The following BEST3 variants were observed in gnomAD, a reference collection of about 807,000 sequenced individuals.
BEST3 encodes bestrophin-3.
In BEST3, 50 loss-of-function variants were observed where a neutral mutation model predicts 47.1. The observed-to-expected ratio is 1.06, with a 90% CI of 0.85 to 1.34. The LOEUF (loss-of-function observed/expected upper bound fraction) is 1.34, where lower values mean the gene tolerates loss of function less well. BEST3 is among the 40% of genes most tolerant of loss of function. The pLI, the probability that BEST3 is intolerant of heterozygous loss-of-function variation, is 0.00. For missense variants in BEST3, 765 were observed against 817.0 expected, an observed-to-expected ratio of 0.94 and a Z score of 0.78; for synonymous variants, 282 against 298.8, an observed-to-expected ratio of 0.94 and a Z score of 0.58.
At chr12:69,695,986 G>A (rs781143192) in intron 2 of BEST3, among the ~76,000 whole-genome samples, 8 of 152,048 alleles carry the variant, frequency 5.3e-5, no homozygotes, top group Non-Finnish European at 1.2e-4. Flanking sequence ...AGAAATAAAT[G>A]TAATCAAATT....
chr12:69,671,431 A>G lies in BEST3; in HGVS notation c.1097T>C (p.Met366Thr), dbSNP rs1320970395. Residue 366 changes from methionine (M) to threonine (T), a missense_variant, in exon 9 of 10, where the codon ATG becomes ACG. Transcript: ENST00000330891. ...GATTTTTTAAAAATGCACTTACCCC[A>G]TCTGGACTGTTGACCCCAGAAATGA... The part of the protein sequence containing the change: ...IPSFLGSTVQ[M>T]GLSGSDFPDE... 6.2e-7 allele frequency: 1 copy of G among 1,613,374 alleles called. No individual in the cohort carries two copies. Among genetic ancestry groups the G allele is most frequent in the Admixed American group, 1.7e-5 (1 of 59,942 alleles).
Position 69,697,827 on chromosome 12 carries a change from A to C in BEST3, c.-15-14T>G. ...GGATAGTTTTTTCTAGAAGAGCAAGAAGACAAAACACAAGTAAAAAGCAAT... is the reference window on the plus strand; with the variant it reads ...GGATAGTTTTTTCTAGAAGAGCAAGCAGACAAAACACAAGTAAAAAGCAAT... On this transcript the variant is annotated splice_polypyrimidine_tract_variant and intron_variant, in intron 1 of 9. Transcript: ENST00000330891. The C allele has an allele frequency of 6.3e-7, 1 of 1,589,928 alleles. No homozygotes were observed. The highest frequency in any genetic ancestry group is 8.5e-7 in the Non-Finnish European group (1 of 1,170,506).
chr12:69,690,392 A>G (rs955497523), intron 4 of BEST3, among the ~76,000 whole-genome samples: 5 of 152,202 alleles, frequency 3.3e-5, no homozygotes, highest in Non-Finnish European at 2.9e-5. Context: ...TCTGAAAAAT[A>G]CACTCAAAGG....
At chr12:69,644,541 ACT>A (rs1454304224) in intron 9 of BEST3, among the ~76,000 whole-genome samples, 2 of 152,054 alleles carry the variant, frequency 1.3e-5, no homozygotes, top group African/African-American at 4.8e-5. Context: ...AGAATAAGTA[ACT>A]CTATTTTAAT....
intron 4 of BEST3, among the ~76,000 whole-genome samples, chr12:69,682,531 T>C (rs193223647): frequency 1.1e-3 from 164 of 152,072 alleles, no homozygotes; most frequent in African/African-American, 3.8e-3. Flanking sequence ...AAAAAATCTG[T>C]TTTGTTGTTT....
chr12:69,680,310 C>CTTCTTT (rs763385722), intron 4 of BEST3, among the ~76,000 whole-genome samples: 5,955 of 94,924 alleles, frequency 0.063, 1,045 homozygotes, highest in African/African-American at 0.12. Context: ...TACACTTGAT[C>CTTCTTT]TTTTTTTTTT....
At chr12:69,696,304 T>C (rs1402168350) in intron 2 of BEST3, among the ~76,000 whole-genome samples, 1 of 152,194 alleles carries the variant, frequency 6.6e-6, no homozygotes, top group African/African-American at 2.4e-5. Flanking sequence ...AAGTATGATA[T>C]TGGAACAAAA....
intron 9 of BEST3, among the ~76,000 whole-genome samples, chr12:69,659,664 T>C (rs990716942): frequency 6.6e-5 from 10 of 151,900 alleles, no homozygotes; most frequent in Non-Finnish European, 1.5e-5. Context: ...TAGAATAGTT[T>C]GAAAGAGTAT....
intron 9 of BEST3, among the ~76,000 whole-genome samples, chr12:69,667,499 T>G (rs1178779663): frequency 1.3e-5 from 2 of 152,178 alleles, no homozygotes; most frequent in African/African-American, 4.8e-5. Context: ...TTTCACCATG[T>G]TGGCCAGGCT....
At chr12:69,668,775 A>G (rs1884386067) in intron 9 of BEST3, among the ~76,000 whole-genome samples, 1 of 152,198 alleles carries the variant, frequency 6.6e-6, no homozygotes, top group African/African-American at 2.4e-5. Flanking sequence ...CCCTGTTGAT[A>G]GTAATTAGCT....
chr12:69,660,474 G>C (rs1883805669), intron 9 of BEST3: 1 of 152,208 alleles, frequency 6.6e-6, no homozygotes, highest in Non-Finnish European at 1.5e-5. Flanking sequence ...CTGGGTGGGT[G>C]AAGAGGAAAT....
intron 4 of BEST3, among the ~76,000 whole-genome samples, chr12:69,688,323 C>T (rs1885752676): frequency 6.6e-6 from 1 of 152,186 alleles, no homozygotes; most frequent in South Asian, 2.1e-4. Flanking sequence ...GCAAAAGTAA[C>T]AGAGACTGTT....
chr12:69,644,659 A>G (rs1327791599), intron 9 of BEST3, among the ~76,000 whole-genome samples: 3 of 152,152 alleles, frequency 2.0e-5, no homozygotes, highest in Admixed American at 2.0e-4. Flanking sequence ...TGGCTAGCTT[A>G]TTTGATAGGA....
chr12:69,670,702 G>C, intron 9 of BEST3: 2 of 497,408 alleles, frequency 4.0e-6, no homozygotes, highest in Non-Finnish European at 7.2e-6. Context: ...GGAACTATGA[G>C]CCACAGTCTT....
intron 4 of BEST3, chr12:69,683,392 T>A (rs1394890655): frequency 6.6e-6 from 1 of 152,166 alleles, no homozygotes; most frequent in Non-Finnish European, 1.5e-5. Flanking sequence ...ATCCAAAGTG[T>A]GAAAGGAAAA....
intron 4 of BEST3, among the ~76,000 whole-genome samples, chr12:69,691,015 G>A (rs775422): frequency 0.66 from 100,661 of 151,610 alleles, 33,879 homozygotes; most frequent in African/African-American, 0.78. Flanking sequence ...CTCACTCTGC[G>A]TCTCTAACAA....
chr12:69,677,264 C>T lies in BEST3; in HGVS notation c.637-7G>A. On this transcript the variant is annotated splice_polypyrimidine_tract_variant and splice_region_variant and intron_variant, in intron 5 of 9. Coordinates refer to ENST00000330891, the MANE Select transcript of BEST3 (RefSeq NM_032735.3). ...AGCGGTATCGATTCATTTCCTAAGCCAGAAACAGATCAAGCATGATTTACT... is the reference window on the plus strand; with the variant it reads ...AGCGGTATCGATTCATTTCCTAAGCTAGAAACAGATCAAGCATGATTTACT... 3.1e-6 allele frequency: 5 copies of T among 1,606,192 alleles called. No individual in the cohort carries two copies. The highest frequency in any genetic ancestry group is 2.6e-6 in the Non-Finnish European group (3 of 1,175,950).
intron 4 of BEST3, chr12:69,689,082 C>A (rs1057488511): frequency 1.0e-6 from 1 of 985,428 alleles, no homozygotes; most frequent in African/African-American, 1.7e-5. Context: ...GTCCTCTCTG[C>A]CCTCAGGCAG....
chr12:69,698,831 A>G (rs1397082154), intron 1 of BEST3, among the ~76,000 whole-genome samples: 1 of 152,276 alleles, frequency 6.6e-6, no homozygotes, highest in African/African-American at 2.4e-5. Flanking sequence ...CTACGTTTAC[A>G]GCATTTTCTA....
Sources: allele counts gnomAD v4.1 joint callset (sites outside exome capture counted in the v4.1 genomes callset), GRCh38; gene constraint gnomAD v4.1.1; transcripts MANE v1.5; gene names NCBI Gene and HGNC (gene_info 2026-07-23, HGNC 2026-07-21).